Variants in CSMD1 observed in about 807,000 individuals in gnomAD.
CSMD1 encodes CUB and Sushi multiple domains 1.
CSMD1 carries 213 observed loss-of-function variants against 417.5 expected under a neutral mutation model. The observed-to-expected ratio is 0.51, with a 90% CI of 0.46 to 0.57. CSMD1 has a LOEUF of 0.57. Among genes scored for constraint, CSMD1 ranks in the 20% least tolerant of loss-of-function variants. CSMD1 has a pLI of 0.00. For missense variants in CSMD1, 6,923 were observed against 4,529.7 expected (o/e 1.53, Z -15.17); for synonymous variants, 2,862 against 1,736.8 (o/e 1.65, Z -16.11).
intron 7 of CSMD1, among the ~76,000 whole-genome samples, chr8:3,628,660 C>T (rs78526888): frequency 6.6e-6 from 1 of 152,138 alleles, no homozygotes; most frequent in African/African-American, 2.4e-5. Context: ...GCATGGGCAT[C>T]CTCACAGGCG....
chr8:3,029,483 A>C lies in CSMD1; in HGVS notation c.7691T>G (p.Leu2564Arg), dbSNP rs1236783279. The C allele has an allele frequency of 1.2e-6, 2 of 1,603,984 alleles. No individual in the cohort carries two copies. Among genetic ancestry groups the C allele is most frequent in the Non-Finnish European group, 1.7e-6 (2 of 1,175,218 alleles). The change falls in exon 51 of 70, where the codon CTC becomes CGC. Residue 2564 changes from leucine to arginine, a missense_variant. Leu to Arg is a moderately radical substitution (Grantham distance 102). Transcript: ENST00000635120. The part of the protein sequence containing the change: ...PVACPSIEAQ[L>R]SEHVIWRLVS... Reference sequence around the variant, plus strand: ...CAGCCTCCAGATGACATGTTCTGAGAGCTGAGCTTCAATGCTGGGGCAAGC... The same window carrying C: ...CAGCCTCCAGATGACATGTTCTGAGCGCTGAGCTTCAATGCTGGGGCAAGC...
chr8:4,388,927 G>T (rs192202077), intron 3 of CSMD1, among the ~76,000 whole-genome samples: 1 of 152,054 alleles, frequency 6.6e-6, no homozygotes, highest in African/African-American at 2.4e-5. Flanking sequence ...AGTTACTAAT[G>T]CTTTGAAAAC....
chr8:4,281,839 C>A (rs749776155), intron 3 of CSMD1, among the ~76,000 whole-genome samples: 53 of 152,152 alleles, frequency 3.5e-4, no homozygotes, highest in Non-Finnish European at 7.5e-4. Flanking sequence ...AGAGCTGCCT[C>A]ATAAACACAC....
chr8:4,754,440 T>C (rs1157508206), intron 1 of CSMD1, among the ~76,000 whole-genome samples: 2 of 152,118 alleles, frequency 1.3e-5, no homozygotes, highest in Non-Finnish European at 2.9e-5. Flanking sequence ...GTAACTAACT[T>C]GTATACTTCC....
At chr8:3,356,480 G>C (rs147482235) in intron 21 of CSMD1, among the ~76,000 whole-genome samples, 1 of 152,148 alleles carries the variant, frequency 6.6e-6, no homozygotes, top group Non-Finnish European at 1.5e-5. Flanking sequence ...TCCGAGACCA[G>C]CCTGGTCAAC....
intron 5 of CSMD1, among the ~76,000 whole-genome samples, chr8:3,954,735 A>G (rs1033807668): frequency 1.3e-5 from 2 of 152,306 alleles, no homozygotes; most frequent in South Asian, 2.1e-4. Flanking sequence ...GCATGCGCAG[A>G]GCCCTCCTTG....
chr8:3,937,054 G>T (rs562440291), intron 5 of CSMD1, among the ~76,000 whole-genome samples: 22 of 152,322 alleles, frequency 1.4e-4, no homozygotes, highest in African/African-American at 5.0e-4. Context: ...GTTGAAAACA[G>T]CAAGAGAAAC....
chr8:2,993,353 C>T (rs1806570021), intron 54 of CSMD1, among the ~76,000 whole-genome samples: 1 of 152,126 alleles, frequency 6.6e-6, no homozygotes, highest in South Asian at 2.1e-4. Context: ...TTTCCTCCTT[C>T]AATGCATTTA....
At chr8:3,238,297 C>T (rs561502529) in intron 26 of CSMD1, among the ~76,000 whole-genome samples, 100 of 152,098 alleles carry the variant, frequency 6.6e-4, no homozygotes, top group African/African-American at 2.2e-3. Context: ...GCCATTTTCA[C>T]TTCTTTTGTG....
At chr8:3,920,835 G>A (rs555187834) in intron 5 of CSMD1, among the ~76,000 whole-genome samples, 1 of 152,204 alleles carries the variant, frequency 6.6e-6, no homozygotes, top group South Asian at 2.1e-4. Flanking sequence ...CCTGACTGTG[G>A]TGTATGATCC....
At chr8:3,491,291 G>T (rs528691902) in intron 11 of CSMD1, among the ~76,000 whole-genome samples, 1 of 152,140 alleles carries the variant, frequency 6.6e-6, no homozygotes, top group Admixed American at 6.5e-5. Context: ...TTTGTGAACT[G>T]GGGTAAATCC....
At chr8:4,519,412 A>G (rs1803305242) in intron 2 of CSMD1, among the ~76,000 whole-genome samples, 1 of 152,132 alleles carries the variant, frequency 6.6e-6, no homozygotes, top group South Asian at 2.1e-4. Flanking sequence ...CAAAATTAAT[A>G]TATGTATAAA....
intron 3 of CSMD1, among the ~76,000 whole-genome samples, chr8:4,376,525 T>A (rs1049687503): frequency 3.3e-5 from 5 of 152,208 alleles, no homozygotes; most frequent in Non-Finnish European, 4.4e-5. Flanking sequence ...ACAGTATATT[T>A]AATCAATTTT....
intron 2 of CSMD1, among the ~76,000 whole-genome samples, chr8:4,570,634 G>C (rs1005819204): frequency 2.0e-5 from 3 of 152,132 alleles, no homozygotes; most frequent in African/African-American, 4.8e-5. Flanking sequence ...CCAGGTTTTG[G>C]TATTTGGATG....
In CSMD1 at chr8:4,120,450, C is replaced by G. The variant is rs62503578; in HGVS notation, c.416-88351G>C. 1.1e-4 allele frequency among the ~76,000 whole-genome samples: 16 copies of G among 152,336 alleles called. No homozygotes were observed. The East Asian group carries it at 2.5e-3, about 24-fold the overall frequency. ...CTCTCCTTCCTCCTCCTCTCTGTCTCATCCCTGCCAGTCACTTCTCACACA... is the reference window on the plus strand; with the variant it reads ...CTCTCCTTCCTCCTCCTCTCTGTCTGATCCCTGCCAGTCACTTCTCACACA... On this transcript the variant is annotated intron_variant, in intron 3 of 69. Transcript: ENST00000635120.
At chr8:3,534,080 T>G (rs147206835) in intron 10 of CSMD1, among the ~76,000 whole-genome samples, 1 of 152,174 alleles carries the variant, frequency 6.6e-6, no homozygotes, top group Non-Finnish European at 1.5e-5. Flanking sequence ...TTTGAAATGA[T>G]TGTTTTAGTA....
chr8:4,779,091 C>T (rs991531626), intron 1 of CSMD1, among the ~76,000 whole-genome samples: 1 of 152,160 alleles, frequency 6.6e-6, no homozygotes, highest in Admixed American at 6.5e-5. Context: ...GAGGCCGTAT[C>T]CTCATTTTAA....
chr8:4,942,779 A>G (rs1808096363), intron 1 of CSMD1, among the ~76,000 whole-genome samples: 1 of 152,238 alleles, frequency 6.6e-6, no homozygotes, highest in South Asian at 2.1e-4. Flanking sequence ...CAGATGATGT[A>G]GCTAGGGAAT....
intron 3 of CSMD1, among the ~76,000 whole-genome samples, chr8:4,110,251 G>A (rs755168784): frequency 6.8e-4 from 104 of 152,038 alleles, no homozygotes; most frequent in Non-Finnish European, 1.3e-3. Context: ...TGAAAGCTTG[G>A]CAACGAAACA....
Sources: gnomAD v4.1 joint callset for allele counts (sites outside exome capture counted in the v4.1 genomes callset) on GRCh38, gnomAD v4.1.1 for gene constraint, MANE v1.5 for transcripts, NCBI Gene and HGNC (gene_info 2026-07-23, HGNC 2026-07-21) for gene names.